Variants in CCL1 observed in about 807,000 individuals in gnomAD.
CCL1 encodes C-C motif chemokine 1.
In CCL1, 9 loss-of-function variants were observed where a neutral mutation model predicts 7.5. The ratio of observed to expected loss-of-function variants is 1.20; its 90% CI spans 0.72 to 2.09. The LOEUF (loss-of-function observed/expected upper bound fraction) is 2.09, where lower values mean the gene tolerates loss of function less well. CCL1 is among the 30% of genes most tolerant of loss of function. CCL1 has a pLI of 0.00. For missense variants in CCL1, 110 were observed against 113.7 expected, an observed-to-expected ratio of 0.97 and a Z score of 0.15; for synonymous variants, 48 against 44.7, an observed-to-expected ratio of 1.07 and a Z score of -0.30.
chr17:34,361,693 T>C (rs159271), intron 2 of CCL1, 92 bp downstream of exon 2: 859,003 of 880,384 alleles, frequency 0.98, 421,800 homozygotes, highest in South Asian at 1. Context: ...AACCTTATTC[T>C]GGTAAAATAC....
intron 1 of CCL1, 35 bp downstream of exon 1, chr17:34,363,051 C>T: frequency 6.2e-7 from 1 of 1,604,162 alleles, no homozygotes; most frequent in Non-Finnish European, 8.5e-7. Context: ...TCTGCCCTCC[C>T]CAGAGAGAAG....
At chr17:34,360,708 C>T in intron 2 of CCL1, 47 bp from the exon 3 acceptor site, 3 of 1,437,352 alleles carry the variant, frequency 2.1e-6, no homozygotes, top group Non-Finnish European at 2.9e-6. Context: ...CAAGCCACCA[C>T]TGGGTGGGCA....
Position 34,361,877 on chromosome 17 carries a change from T to A in CCL1, c.96A>T (p.Arg32Ser). 1 of 1,611,532 alleles carries A rather than the reference T, an allele frequency of 6.2e-7. No individual in the cohort carries two copies. The highest frequency in any genetic ancestry group is 8.5e-7 in the Non-Finnish European group (1 of 1,177,826). The change falls in exon 2 of 3, where the codon AGA becomes AGT. Residue 32 changes from arginine (R) to serine (S), a missense_variant. Coordinates refer to ENST00000225842, the MANE Select transcript of CCL1 (RefSeq NM_002981.2). ...DSKSMQVPFS[R>S]CCFSFAEQEI... ...CTTGCTCCGCAAATGAGAAGCAACA[T>A]CTGGAGAAGGGTACCTGCACTAGAA...
intron 2 of CCL1, 91 bp from the exon 3 acceptor site, chr17:34,360,752 C>T (rs1910485246): frequency 1.1e-6 from 1 of 931,268 alleles, no homozygotes; most frequent in East Asian, 2.4e-5. Flanking sequence ...GCTGCCAGGT[C>T]CCCTAAACTG....
At chr17:34,362,589 T>C (rs1910534222) in intron 1 of CCL1, among the ~76,000 whole-genome samples, 1 of 152,128 alleles carries the variant, frequency 6.6e-6, no homozygotes, top group Non-Finnish European at 1.5e-5. Context: ...GCACCCCCTT[T>C]CATGCCTCTT....
At chr17:34,362,550 C>T (rs118020611) in intron 1 of CCL1, among the ~76,000 whole-genome samples, 4,814 of 152,230 alleles carry the variant, frequency 0.032, 105 homozygotes, top group Middle Eastern at 0.075. Flanking sequence ...CATTCCAATC[C>T]CAGCTTCTTC....
Position 34,361,876 on chromosome 17 carries a change from A to T in CCL1, c.97T>A (p.Cys33Ser). 2 of 1,611,522 alleles carry T rather than the reference A, an allele frequency of 1.2e-6. No individual in the cohort carries two copies. The highest frequency in any genetic ancestry group is 1.7e-6 in the Non-Finnish European group (2 of 1,177,876). The change falls in exon 2 of 3, where the codon TGT (cysteine) becomes AGT (serine). Residue 33 changes from cysteine to serine, a missense_variant. By Grantham distance (112) the Cys-to-Ser change is moderately radical (BLOSUM62 -1). Coordinates refer to ENST00000225842, the MANE Select transcript of CCL1 (RefSeq NM_002981.2). ...TCTTGCTCCGCAAATGAGAAGCAAC[A>T]TCTGGAGAAGGGTACCTGCACTAGA... ...SKSMQVPFSR[C>S]CFSFAEQEIP...
intron 1 of CCL1, among the ~76,000 whole-genome samples, chr17:34,362,765 A>T (rs2141951656): frequency 6.6e-6 from 1 of 152,238 alleles, no homozygotes; most frequent in African/African-American, 2.4e-5. Flanking sequence ...CACACTGTAG[A>T]AGCTACACCC....
rs771882789 is a variant in CCL1, at chr17:34,361,880, G to A, written c.93C>T (p.Ser31=). Residue 31 remains serine (S), a synonymous_variant, in exon 2 of 3, where the codon TCC becomes TCT. Transcript: ENST00000225842. ...GCTCCGCAAATGAGAAGCAACATCT[G>A]GAGAAGGGTACCTGCACTAGAAGAG... The part of the protein sequence containing the change: ...VDSKSMQVPF[S]RCCFSFAEQE... 1.6e-5 allele frequency: 25 copies of A among 1,610,816 alleles called. No individual in the cohort carries two copies. Among genetic ancestry groups the A allele is most frequent in the Non-Finnish European group, 2.1e-5 (25 of 1,177,158 alleles).
At chr17:34,362,511 C>T (rs1173001475) in intron 1 of CCL1, among the ~76,000 whole-genome samples, 1 of 152,146 alleles carries the variant, frequency 6.6e-6, no homozygotes, top group Admixed American at 6.5e-5. Context: ...GTGCATTCTC[C>T]TCCCACACCA....
chr17:34,362,600 A>C (rs1393473470), intron 1 of CCL1, among the ~76,000 whole-genome samples: 2 of 152,016 alleles, frequency 1.3e-5, no homozygotes, highest in African/African-American at 4.8e-5. Context: ...CATGCCTCTT[A>C]CTAGGTTGGT....
At position 34,361,679 on chromosome 17, in the gene CCL1, T is replaced by G. The variant is rs539914093; in HGVS notation, c.188+106A>C. 2.2e-4 allele frequency: 179 copies of G among 805,220 alleles called. No homozygotes were observed. The African/African-American group carries it at 2.7e-3, about 12-fold the overall frequency. 49.9% of individuals were successfully genotyped at this position (805,220 alleles called of 1,614,324 possible). ...ACCCAGGTGCTGGCAGCTCTGGGTT[T>G]AGAAACCTTATTCTGGTAAAATACT... is the stretch of plus-strand genomic sequence containing the variant. On this transcript the variant is annotated intron_variant, in intron 2 of 2. Transcript: ENST00000225842.
intron 1 of CCL1, among the ~76,000 whole-genome samples, chr17:34,362,296 T>C (rs543448252): frequency 2.6e-4 from 40 of 152,176 alleles, no homozygotes; most frequent in Non-Finnish European, 4.3e-4. Flanking sequence ...CCTGGGGACC[T>C]GGTTAGTCTG....
chr17:34,361,957 A>AT, intron 1 of CCL1, 61 bp from the exon 2 acceptor site: 1 of 1,079,810 alleles, frequency 9.3e-7, no homozygotes, highest in Non-Finnish European at 1.4e-6. Context: ...CTGTAGCACA[A>AT]TTTTTAAAAA....
chr17:34,360,419 G>T lies in CCL1; in HGVS notation c.*140C>A, dbSNP rs1227861936. The T allele has an allele frequency of 3.0e-6, 2 of 669,810 alleles. No individual in the cohort carries two copies. Among genetic ancestry groups the T allele is most frequent in the African/African-American group, 3.6e-5 (2 of 55,640 alleles). The allele number at this position is 669,810 out of a possible 1,614,324, so 41.5% of individuals were successfully genotyped here. A position where few individuals can be genotyped will look rare whatever the true frequency, so the allele number is the denominator to read the frequency against. ...ATTGTATAATTTAAATGTTTAAAGTGCAACAACATAGCTTATCAAGACCAA... is the reference window on the plus strand; with the variant it reads ...ATTGTATAATTTAAATGTTTAAAGTTCAACAACATAGCTTATCAAGACCAA... On this transcript the variant is annotated 3_prime_UTR_variant, in exon 3 of 3. Transcript: ENST00000225842.
rs1356889762 is a variant in CCL1 at position 34,360,537 on chromosome 17, C to G, written c.*22G>C. On this transcript the variant is annotated 3_prime_UTR_variant, in exon 3 of 3. Coordinates refer to ENST00000225842, the MANE Select transcript of CCL1 (RefSeq NM_002981.2). ...AGGTGAAGCCATGTGGTTTCCAGAG[C>G]CCACAATGGAAAGAAATCTGCTCAT... 6.4e-7 allele frequency: 1 copy of G among 1,572,434 alleles called. No individual in the cohort carries two copies. The highest frequency in any genetic ancestry group is 8.8e-7 in the Non-Finnish European group (1 of 1,142,054).
intron 1 of CCL1, among the ~76,000 whole-genome samples, chr17:34,362,354 T>A (rs1910529226): frequency 6.6e-6 from 1 of 152,080 alleles, no homozygotes; most frequent in South Asian, 2.1e-4. Flanking sequence ...CTGGGGAAGA[T>A]TAGGAATTGT....
intron 2 of CCL1, 73 bp from the exon 3 acceptor site, chr17:34,360,734 C>T: frequency 8.7e-7 from 1 of 1,150,002 alleles, no homozygotes. Flanking sequence ...CAAGCCCCGC[C>T]TCCTCCGGCT....
At position 34,361,814 on chromosome 17, in the gene CCL1, G is replaced by A. The variant is rs755380032; in HGVS notation, c.159C>T (p.Thr53=). 2.5e-6 allele frequency: 4 copies of A among 1,612,656 alleles called. No homozygotes were observed. The Admixed American group carries it at 6.7e-5, about 27-fold the overall frequency. ...AGCCCTCATTGGAGCAGATGGAGCT[G>A]GTATTTCTGTAACACAGGATTGCCC... ...PLRAILCYRN[T]SSICSNEGLI... Residue 53 remains threonine, a synonymous_variant, in exon 2 of 3, where the codon ACC becomes ACT. Transcript: ENST00000225842.
Sources: allele counts gnomAD v4.1 joint callset (sites outside exome capture counted in the v4.1 genomes callset), GRCh38; gene constraint gnomAD v4.1.1; transcripts MANE v1.5; gene names NCBI Gene and HGNC (gene_info 2026-07-23, HGNC 2026-07-21).